Variants in MICAL3 observed in about 807,000 individuals in gnomAD.
MICAL3 encodes microtubule associated monooxygenase, calponin and LIM domain containing 3.
A neutral mutation model predicts 207.4 loss-of-function variants in MICAL3; 62 were observed. The ratio of observed to expected loss-of-function variants is 0.30; its 90% CI spans 0.24 to 0.37. The LOEUF is 0.37. MICAL3 is among the 10% of genes least tolerant of loss of function. The pLI, the probability that MICAL3 is intolerant of heterozygous loss-of-function variation, is 1.00. For synonymous variants in MICAL3, 1,077 were observed against 1,069.3 expected (o/e 1.01, Z -0.14); for missense variants, 2,368 against 2,635.6 (o/e 0.90, Z 2.22).
At chr22:17,918,276 C>T (rs1932665695) in intron 1 of MICAL3, among the ~76,000 whole-genome samples, 1 of 149,394 alleles carries the variant, frequency 6.7e-6, no homozygotes, top group Non-Finnish European at 1.5e-5. Flanking sequence ...ACGAGACTGT[C>T]TCTTAAAAAA....
At position 17,831,891 on chromosome 22, in the gene MICAL3, C is replaced by T. The variant is rs1331876976; in HGVS notation, c.3018G>A (p.Glu1006=). ...CTTCCTCCTCCTCGTCATAGTCCTC[C>T]TCCTCCTCCTCTTCATATTCTTCCT... ...EEEEEYEEEE[E]EDYDEEEEES... is the part of the protein sequence containing the mutation. The change falls in exon 21 of 32, where the codon GAG becomes GAA. Residue 1006 remains glutamate, a synonymous_variant. Transcript: ENST00000441493. 6.4e-7 allele frequency: 1 copy of T among 1,554,822 alleles called. No individual in the cohort carries two copies. The highest frequency in any genetic ancestry group is 8.7e-7 in the Non-Finnish European group (1 of 1,148,748).
rs1415355731 is a variant in MICAL3, at chr22:17,986,185, G to GT, written c.-75+38095dup. Among the ~76,000 whole-genome samples the GT allele has an allele frequency of 5.3e-5, 8 of 152,300 alleles. No homozygotes were observed. In the East Asian group the frequency reaches 1.4e-3, roughly 26 times the overall value. On this transcript the variant is annotated intron_variant, in intron 1 of 31. Coordinates refer to ENST00000441493, the MANE Select transcript of MICAL3 (RefSeq NM_015241.3). ...CTCCCAAAGTGATGGGATTACAGGC[G>GT]TGAGCCACCTCGCCCGGCCACAAGA...
chr22:17,956,330 C>G (rs780248004), intron 1 of MICAL3, among the ~76,000 whole-genome samples: 1 of 152,194 alleles, frequency 6.6e-6, no homozygotes, highest in Non-Finnish European at 1.5e-5. Context: ...GCAGCAACCT[C>G]CCAGGTATGC....
rs186330607 is a variant in MICAL3 at position 17,796,377 on chromosome 22, G to A, written c.5651-5076C>T. Among the ~76,000 whole-genome samples, 64 of 152,340 alleles carry A rather than the reference G, an allele frequency of 4.2e-4. No homozygotes were observed. Among genetic ancestry groups the A allele is most frequent in the Non-Finnish European group, 2.4e-4 (16 of 68,028 alleles). Reference sequence around the variant, plus strand: ...GGGAGTGAGGCCTGTCCAGAGCAGCGCATGAGATGGGCACGGATGGCACTC... The same window carrying A: ...GGGAGTGAGGCCTGTCCAGAGCAGCACATGAGATGGGCACGGATGGCACTC... On this transcript the variant is annotated intron_variant, in intron 29 of 31. Coordinates refer to ENST00000441493, the MANE Select transcript of MICAL3 (RefSeq NM_015241.3). This position sits in a 1 kb window ranked among gnomAD's most constrained non-coding sequence, Gnocchi z 4.4.
chr22:17,930,938 G>A (rs113141194), intron 1 of MICAL3, among the ~76,000 whole-genome samples: 51 of 152,318 alleles, frequency 3.3e-4, no homozygotes, highest in African/African-American at 1.1e-3. Context: ...TCACTGGGCC[G>A]GGGACCCAAC....
intron 29 of MICAL3, chr22:17,791,523 G>A (rs539307848): frequency 1.5e-4 from 87 of 575,462 alleles, no homozygotes; most frequent in African/African-American, 1.0e-3. Flanking sequence ...CCCCGTCAGC[G>A]ACCTCGCCAG....
chr22:17,901,575 T>C (rs1055167234), intron 5 of MICAL3, among the ~76,000 whole-genome samples: 1 of 152,036 alleles, frequency 6.6e-6, no homozygotes, highest in African/African-American at 2.4e-5. Context: ...GAGGCTGAGA[T>C]GGGAGACTCG....
chr22:17,856,347 C>T (rs1053534701), intron 19 of MICAL3, among the ~76,000 whole-genome samples: 3 of 152,334 alleles, frequency 2.0e-5, no homozygotes, highest in Non-Finnish European at 4.4e-5. Context: ...TTTTGAGCAG[C>T]ATGAAGGATT....
intron 18 of MICAL3, 86 bp from the exon 19 acceptor site, chr22:17,865,072 C>A: frequency 9.0e-7 from 1 of 1,109,850 alleles, no homozygotes; most frequent in Non-Finnish European, 1.2e-6. Context: ...CAATCTGACA[C>A]GCTGGTTTTA....
At position 17,945,281 on chromosome 22, in the gene MICAL3, G is replaced by A. The variant is rs141198107; in HGVS notation, c.-74-38395C>T. 2.9e-3 allele frequency among the ~76,000 whole-genome samples: 444 copies of A among 152,212 alleles called. 3 individuals are homozygous for A. Among genetic ancestry groups the A allele is most frequent in the African/African-American group, 9.8e-3 (405 of 41,530 alleles). ...TGGTGGTGTAAAACGACTGCCAGCC[G>A]AGGGCCTGCGTCTCCTTCACCCTCG... is the stretch of plus-strand genomic sequence containing the variant. On this transcript the variant is annotated intron_variant, in intron 1 of 31. Coordinates refer to ENST00000441493, the MANE Select transcript of MICAL3 (RefSeq NM_015241.3).
chr22:17,980,290 G>A (rs1010793305), intron 1 of MICAL3, among the ~76,000 whole-genome samples: 2 of 152,184 alleles, frequency 1.3e-5, no homozygotes, highest in African/African-American at 2.4e-5. Flanking sequence ...AAATAAAGAC[G>A]GAAAGGGCCT....
intron 8 of MICAL3, 84 bp from the exon 9 acceptor site, chr22:17,896,445 C>T: frequency 1.1e-6 from 1 of 905,852 alleles, no homozygotes; most frequent in Non-Finnish European, 1.8e-6. Context: ...AAAGAGTTTG[C>T]TGTCGACAGT....
At chr22:17,955,671 G>A (rs1465593851) in intron 1 of MICAL3, among the ~76,000 whole-genome samples, 10 of 152,186 alleles carry the variant, frequency 6.6e-5, no homozygotes, top group Admixed American at 6.5e-4. Flanking sequence ...TTCTCAAGCC[G>A]ATCCTTGGAG....
chr22:17,960,711 A>C (rs1934869592), intron 1 of MICAL3, among the ~76,000 whole-genome samples: 1 of 151,990 alleles, frequency 6.6e-6, no homozygotes, highest in African/African-American at 2.4e-5. Context: ...AAGGAGGCAG[A>C]TTTGGAAACA....
intron 16 of MICAL3, among the ~76,000 whole-genome samples, chr22:17,882,783 C>T (rs1929555725): frequency 6.6e-6 from 1 of 152,234 alleles, no homozygotes; most frequent in Non-Finnish European, 1.5e-5. Context: ...TGCCCAGCTA[C>T]TGTCTCCAAC....
intron 1 of MICAL3, among the ~76,000 whole-genome samples, chr22:17,916,129 T>C (rs1932500622): frequency 6.6e-6 from 1 of 150,526 alleles, no homozygotes; most frequent in African/African-American, 2.4e-5. Flanking sequence ...ACACAATTTC[T>C]CTTCTGCCAT....
chr22:17,836,981 G>A (rs575801278), intron 20 of MICAL3, among the ~76,000 whole-genome samples: 1 of 152,320 alleles, frequency 6.6e-6, no homozygotes, highest in South Asian at 2.1e-4. Context: ...GGTAACCATG[G>A]TTTTCACTTT....
Position 17,818,969 on chromosome 22 carries a change from G to C in MICAL3, c.3692C>G (p.Pro1231Arg). 6.2e-7 allele frequency: 1 copy of C among 1,607,412 alleles called. No individual in the cohort carries two copies. The highest frequency in any genetic ancestry group is 1.1e-5 in the South Asian group (1 of 90,310). The change falls in exon 26 of 32, where the codon CCA (proline) becomes CGA (arginine). Residue 1231 changes from proline to arginine, a missense_variant. Coordinates refer to ENST00000441493, the MANE Select transcript of MICAL3 (RefSeq NM_015241.3). ...TGGTGAGACAGGAGTCCTAGCTTCTGGCAGGGTCACTGGCTGTGATCGGAT... is the reference window on the plus strand; with the variant it reads ...TGGTGAGACAGGAGTCCTAGCTTCTCGCAGGGTCACTGGCTGTGATCGGAT... ...SPIRSQPVTLPEARTPVSPGS... is the reference protein window; with the variant it reads ...SPIRSQPVTLREARTPVSPGS...
At chr22:17,802,272 C>G (rs539068725) in intron 29 of MICAL3, among the ~76,000 whole-genome samples, 4 of 152,048 alleles carry the variant, frequency 2.6e-5, no homozygotes, top group Middle Eastern at 3.2e-3. Context: ...ACCATCTTGC[C>G]CAGGCTAGTT....
Sources: allele counts gnomAD v4.1 joint callset (sites outside exome capture counted in the v4.1 genomes callset), GRCh38; gene constraint gnomAD v4.1.1; non-coding constraint Gnocchi (gnomAD v3.1); transcripts MANE v1.5; gene names NCBI Gene and HGNC (gene_info 2026-07-23, HGNC 2026-07-21).